RBFOX1: variants seen among roughly 807,000 people sequenced by gnomAD.
RBFOX1 encodes the protein RNA binding fox-1 homolog 1.
In RBFOX1, 8 loss-of-function variants were observed where a neutral mutation model predicts 57.7. The ratio of observed to expected loss-of-function variants is 0.14; its 90% CI spans 0.08 to 0.25. The LOEUF (loss-of-function observed/expected upper bound fraction) is 0.25, where lower values mean the gene tolerates loss of function less well. Among genes scored for constraint, RBFOX1 ranks in the 10% least tolerant of loss-of-function variants. The pLI is 1.00. For synonymous variants in RBFOX1, 326 were observed against 222.4 expected, an observed-to-expected ratio of 1.47 and a Z score of -4.15; for missense variants, 611 against 548.5, an observed-to-expected ratio of 1.11 and a Z score of -1.14.
chr16:5,943,773 A>G (rs2059329604), intron 4 of RBFOX1, among the ~76,000 whole-genome samples: 1 of 152,130 alleles, frequency 6.6e-6, no homozygotes, highest in African/African-American at 2.4e-5. Flanking sequence ...AAAGATTACC[A>G]TTCACATTCA....
At chr16:7,039,191 A>T (rs1440689128) in intron 3 of RBFOX1, among the ~76,000 whole-genome samples, 1 of 152,214 alleles carries the variant, frequency 6.6e-6, no homozygotes, top group Non-Finnish European at 1.5e-5. Context: ...TAAATTAAAT[A>T]TGTTAGAGCT....
Position 6,852,132 on chromosome 16 carries a change from A to C in RBFOX1, c.-16+197482A>C, listed in dbSNP as rs550370161. ...TAAAATGATATAAATTTATTATCTA[A>C]CAGTTTTGGTGATCTGATGTCTGAA... is the stretch of plus-strand genomic sequence containing the variant. On this transcript the variant is annotated intron_variant, in intron 3 of 15. Transcript: ENST00000550418. 2.0e-5 allele frequency among the ~76,000 whole-genome samples: 3 copies of C among 152,108 alleles called. No individual in the cohort carries two copies. In the East Asian group the frequency reaches 5.8e-4, roughly 29 times the overall value.
chr16:5,710,045 T>G (rs2051427274), intron 3 of RBFOX1, among the ~76,000 whole-genome samples: 1 of 150,502 alleles, frequency 6.6e-6, no homozygotes. Context: ...GATTTTTAAG[T>G]GCCCATGTAT....
At chr16:6,832,742 C>G (rs1218883371) in intron 3 of RBFOX1, among the ~76,000 whole-genome samples, 3 of 152,184 alleles carry the variant, frequency 2.0e-5, no homozygotes, top group Non-Finnish European at 4.4e-5. Context: ...CTTTGCAGCT[C>G]TCTGTAACTG....
rs145409575 is a variant in RBFOX1, at chr16:5,240,976, G to T, written c.219+871G>T. The stretch of plus-strand genomic sequence containing the variant: ...GCCGCCACCTTGATGGTTTTTGATG[G>T]ATAATGGGGTTGACCTCTTTGTTCC... On this transcript the variant is annotated intron_variant, in intron 1 of 2. Coordinates refer to the RBFOX1 transcript ENST00000585867. Among the ~76,000 whole-genome samples the T allele has an allele frequency of 4.8e-3, 732 of 152,344 alleles. 3 individuals carry two copies. Among genetic ancestry groups the T allele is most frequent in the Non-Finnish European group, 7.6e-3 (516 of 68,036 alleles).
intron 5 of RBFOX1, among the ~76,000 whole-genome samples, chr16:7,577,486 T>C (rs2093428822): frequency 6.6e-6 from 1 of 152,214 alleles, no homozygotes; most frequent in Admixed American, 6.5e-5. Flanking sequence ...CCTCTTCTCT[T>C]AGACATCTCC....
intron 4 of RBFOX1, among the ~76,000 whole-genome samples, chr16:7,225,433 C>A (rs1009800859): frequency 6.6e-6 from 1 of 152,234 alleles, no homozygotes; most frequent in African/African-American, 2.4e-5. Flanking sequence ...TCTGCCACCA[C>A]ATCAGATGCA....
intron 4 of RBFOX1, among the ~76,000 whole-genome samples, chr16:7,385,646 CT>C (rs1216453406): frequency 1.3e-5 from 2 of 152,096 alleles, no homozygotes; most frequent in African/African-American, 4.8e-5. Context: ...TTTTCAAAAC[CT>C]GTACCTGGTT....
At chr16:7,303,382 G>T (rs921201818) in intron 4 of RBFOX1, among the ~76,000 whole-genome samples, 5 of 152,156 alleles carry the variant, frequency 3.3e-5, no homozygotes, top group Non-Finnish European at 7.3e-5. Context: ...CCTTTTCTGT[G>T]TTTATTTGGC....
chr16:5,884,154 G>T (rs1311372782), intron 4 of RBFOX1, among the ~76,000 whole-genome samples: 1 of 152,134 alleles, frequency 6.6e-6, no homozygotes, highest in Non-Finnish European at 1.5e-5. Context: ...ACAGTGCCTG[G>T]CAAATAGCAA....
At chr16:5,870,183 C>G (rs141763639) in intron 4 of RBFOX1, among the ~76,000 whole-genome samples, 1 of 149,622 alleles carries the variant, frequency 6.7e-6, no homozygotes. Context: ...AGACAACATT[C>G]ATCTCTGATG....
chr16:6,701,289 G>A (rs1055635856), intron 3 of RBFOX1, among the ~76,000 whole-genome samples: 5 of 152,214 alleles, frequency 3.3e-5, no homozygotes, highest in African/African-American at 4.8e-5. Flanking sequence ...TGAAGGGGCT[G>A]ACAGCTGTGG....
At chr16:7,254,113 A>C (rs1387729367) in intron 4 of RBFOX1, among the ~76,000 whole-genome samples, 1 of 152,112 alleles carries the variant, frequency 6.6e-6, no homozygotes, top group Non-Finnish European at 1.5e-5. Context: ...CTGTTATTTT[A>C]ATTCTCACAT....
chr16:7,217,129 C>A (rs974975945), intron 4 of RBFOX1, among the ~76,000 whole-genome samples: 4 of 148,224 alleles, frequency 2.7e-5, no homozygotes, highest in Non-Finnish European at 6.0e-5. Context: ...TTCTTTTTGA[C>A]AGTCTTGCTC....
intron 3 of RBFOX1, among the ~76,000 whole-genome samples, chr16:6,789,537 A>G (rs1603624038): frequency 6.6e-6 from 1 of 152,212 alleles, no homozygotes; most frequent in East Asian, 1.9e-4. Flanking sequence ...AAATTTAAGC[A>G]AATTATTGCA....
At chr16:6,672,818 C>T (rs996592775) in intron 3 of RBFOX1, among the ~76,000 whole-genome samples, 1 of 152,210 alleles carries the variant, frequency 6.6e-6, no homozygotes, top group South Asian at 2.1e-4. Context: ...CCAAGTAATC[C>T]TAACTTAAGC....
chr16:5,492,369 G>C (rs542097848), intron 2 of RBFOX1, among the ~76,000 whole-genome samples: 1 of 152,182 alleles, frequency 6.6e-6, no homozygotes, highest in African/African-American at 2.4e-5. Context: ...ATGGTACCCA[G>C]CTTAGGTGTG....
chr16:6,997,047 A>C (rs776155471), intron 3 of RBFOX1, among the ~76,000 whole-genome samples: 20 of 152,324 alleles, frequency 1.3e-4, no homozygotes, highest in Non-Finnish European at 2.9e-4. Flanking sequence ...CGTATTTATA[A>C]GTACATTGTA....
intron 4 of RBFOX1, among the ~76,000 whole-genome samples, chr16:7,308,443 T>G (rs980305003): frequency 3.3e-5 from 5 of 152,184 alleles, no homozygotes; most frequent in African/African-American, 1.2e-4. Flanking sequence ...ACTGAGAACC[T>G]TTTTATCAGC....
Sources: gnomAD v4.1 joint callset for allele counts (sites outside exome capture counted in the v4.1 genomes callset) on GRCh38, gnomAD v4.1.1 for gene constraint, MANE v1.5 for transcripts, NCBI Gene and HGNC (gene_info 2026-07-23, HGNC 2026-07-21) for gene names.